The following STK32B variants were observed in gnomAD, a reference collection of about 807,000 sequenced individuals.
STK32B encodes serine/threonine kinase 32B, also known as serine/threonine-protein kinase 32B.
Under a neutral mutation model 52.6 loss-of-function variants are expected in STK32B, and 43 were observed. That is an observed-to-expected ratio of 0.82 (90% CI 0.64 to 1.05). The LOEUF (loss-of-function observed/expected upper bound fraction) is 1.05. Among genes scored for constraint, STK32B ranks in the 50% least tolerant of loss-of-function variants. The pLI, the probability that STK32B is intolerant of heterozygous loss-of-function variation, is 0.00. For synonymous variants in STK32B, 238 were observed against 204.3 expected, an observed-to-expected ratio of 1.17 and a Z score of -1.41; for missense variants, 621 against 534.6, an observed-to-expected ratio of 1.16 and a Z score of -1.59.
chr4:5,361,614 C>T lies in STK32B; in HGVS notation c.434+30221C>T, dbSNP rs187217738. Reference sequence around the variant, plus strand: ...TCCTGGGCTGAAGTGATCCTCCGACCAAGGATCAATGGCATAGGCCATATT... The same window carrying T: ...TCCTGGGCTGAAGTGATCCTCCGACTAAGGATCAATGGCATAGGCCATATT... On this transcript the variant is annotated intron_variant, in intron 4 of 11. Transcript: ENST00000282908. 2.5e-3 allele frequency among the ~76,000 whole-genome samples: 388 copies of T among 152,314 alleles called. 2 individuals carry two copies. Among genetic ancestry groups the T allele is most frequent in the African/African-American group, 8.9e-3 (369 of 41,568 alleles).
At chr4:5,141,123 A>G (rs1284465349) in intron 2 of STK32B, among the ~76,000 whole-genome samples, 1 of 152,194 alleles carries the variant, frequency 6.6e-6, no homozygotes, top group African/African-American at 2.4e-5. Context: ...AATGGTAACA[A>G]TTCAGTTCCA....
At chr4:5,307,498 T>C (rs1226096086) in intron 3 of STK32B, among the ~76,000 whole-genome samples, 1 of 152,128 alleles carries the variant, frequency 6.6e-6, no homozygotes, top group African/African-American at 2.4e-5. Context: ...GTGATTGTTT[T>C]TTATTTATGC....
chr4:5,394,374 A>G lies in STK32B; in HGVS notation c.435-3833A>G, dbSNP rs924838628. ...AACGTTCAAACCCGTTTTCAACAGG[A>G]TGACGCGCTGGAGCTGAGATACGAT... On this transcript the variant is annotated intron_variant, in intron 4 of 11. Coordinates refer to ENST00000282908, the MANE Select transcript of STK32B (RefSeq NM_018401.3). The surrounding 1 kb of genome is among the most constrained non-coding windows in gnomAD (Gnocchi z 4.2). Among the ~76,000 whole-genome samples the G allele has an allele frequency of 6.6e-6, 1 of 152,192 alleles. No individual in the cohort carries two copies. The highest frequency in any genetic ancestry group is 2.4e-5 in the African/African-American group (1 of 41,446).
At chr4:5,070,698 A>G (rs1261893081) in intron 1 of STK32B, among the ~76,000 whole-genome samples, 1 of 109,074 alleles carries the variant, frequency 9.2e-6, no homozygotes, top group Non-Finnish European at 2.3e-5. Flanking sequence ...GGATATGGTA[A>G]GAGTTCCTTG....
Position 5,500,928 on chromosome 4 carries a change from C to T in STK32B, c.*1845C>T, listed in dbSNP as rs1254861573. 3 of 152,136 alleles carry T rather than the reference C, an allele frequency of 2.0e-5. No individual in the cohort carries two copies. The highest frequency in any genetic ancestry group is 4.4e-5 in the Non-Finnish European group (3 of 68,028). The allele number at this position is 152,136 out of a possible 1,614,324, so 9.4% of individuals were successfully genotyped here. On this transcript the variant is annotated 3_prime_UTR_variant, in exon 12 of 12. Transcript: ENST00000282908. The stretch of plus-strand genomic sequence containing the variant: ...CAGGAGCTGGAAGTCGCCCTAGGAA[C>T]ACCAGATTTCCTGGTTCTGTTCAAG...
intron 6 of STK32B, among the ~76,000 whole-genome samples, chr4:5,417,512 T>C (rs1182637634): frequency 6.6e-6 from 1 of 152,186 alleles, no homozygotes; most frequent in South Asian, 2.1e-4. Context: ...CTCATTGTTA[T>C]ATTTCTCTTC....
At position 5,499,227 on chromosome 4, in the gene STK32B, G is replaced by C. The variant is rs1220455968; in HGVS notation, c.*144G>C. 1 of 1,229,460 alleles carries C rather than the reference G, an allele frequency of 8.1e-7. No individual in the cohort carries two copies. The highest frequency in any genetic ancestry group is 2.8e-5 in the East Asian group (1 of 35,874). 76.2% of individuals were successfully genotyped at this position (1,229,460 alleles called of 1,614,324 possible). A position where few individuals can be genotyped will look rare whatever the true frequency, so the allele number is the denominator to read the frequency against. Reference sequence around the variant, plus strand: ...CCCTGGACTTGGAGCTGGGAAGCCTGGGTTCTGGTCCCATCTCCATGACTG... The same window carrying C: ...CCCTGGACTTGGAGCTGGGAAGCCTCGGTTCTGGTCCCATCTCCATGACTG... On this transcript the variant is annotated 3_prime_UTR_variant, in exon 12 of 12. Coordinates refer to ENST00000282908, the MANE Select transcript of STK32B (RefSeq NM_018401.3).
intron 4 of STK32B, among the ~76,000 whole-genome samples, chr4:5,335,567 T>A (rs1732613620): frequency 6.6e-6 from 1 of 152,116 alleles, no homozygotes; most frequent in Admixed American, 6.5e-5. Context: ...TAAATTGTGA[T>A]GTTAGGGTGT....
chr4:5,040,349 G>A, the STK32B span, among the ~76,000 whole-genome samples: 8 of 151,182 alleles, frequency 5.3e-5, no homozygotes, highest in African/African-American at 1.9e-4. Flanking sequence ...GAAGGGAAGT[G>A]ACTTCTCTCA....
chr4:5,253,515 C>T (rs1726084310), intron 3 of STK32B, among the ~76,000 whole-genome samples: 1 of 152,102 alleles, frequency 6.6e-6, no homozygotes, highest in Non-Finnish European at 1.5e-5. Context: ...GCTGGGATTA[C>T]AGGTGCGTGC....
chr4:5,079,996 A>G (rs1473454731), intron 1 of STK32B, among the ~76,000 whole-genome samples: 2 of 152,176 alleles, frequency 1.3e-5, no homozygotes, highest in Non-Finnish European at 1.5e-5. Flanking sequence ...GCTAAAGGGT[A>G]CAGACTTTCC....
intron 2 of STK32B, among the ~76,000 whole-genome samples, chr4:5,145,370 G>A (rs559195955): frequency 1.3e-5 from 2 of 152,234 alleles, no homozygotes; most frequent in African/African-American, 4.8e-5. Context: ...GATGTAAAAT[G>A]TACATACAAC....
chr4:5,438,883 G>A (rs1421604769), intron 6 of STK32B, among the ~76,000 whole-genome samples: 2 of 151,754 alleles, frequency 1.3e-5, no homozygotes, highest in East Asian at 1.9e-4. Flanking sequence ...ATAATTTACT[G>A]AGAATGATGA....
intron 5 of STK32B, among the ~76,000 whole-genome samples, chr4:5,411,604 A>G (rs1269652757): frequency 1.3e-5 from 2 of 152,242 alleles, no homozygotes; most frequent in Non-Finnish European, 2.9e-5. Flanking sequence ...GACATTTTAT[A>G]TAAAAGGCTT....
At chr4:5,486,486 CCTTT>C (rs919114068) in intron 11 of STK32B, among the ~76,000 whole-genome samples, 2 of 152,184 alleles carry the variant, frequency 1.3e-5, no homozygotes, top group African/African-American at 4.8e-5. Flanking sequence ...ATCTGTCACC[CCTTT>C]CTTTGACTAG....
chr4:5,208,762 G>A (rs77403871), intron 3 of STK32B, among the ~76,000 whole-genome samples: 235 of 152,284 alleles, frequency 1.5e-3, no homozygotes, highest in African/African-American at 5.4e-3. Context: ...TCGCCCCATG[G>A]TGGGAAGGGA....
intron 1 of STK32B, among the ~76,000 whole-genome samples, chr4:5,099,634 A>G (rs760216436): frequency 3.8e-4 from 58 of 152,162 alleles, no homozygotes; most frequent in Admixed American, 1.6e-3. Context: ...TGGGCCTCGA[A>G]GGACAGATAG....
At chr4:5,462,196 C>G (rs545361394) in intron 9 of STK32B, among the ~76,000 whole-genome samples, 1 of 151,248 alleles carries the variant, frequency 6.6e-6, no homozygotes, top group East Asian at 2.0e-4. Flanking sequence ...TGTGCATGCC[C>G]GTGGTGTGTG....
At chr4:5,291,787 T>C (rs898607239) in intron 3 of STK32B, among the ~76,000 whole-genome samples, 3 of 152,142 alleles carry the variant, frequency 2.0e-5, no homozygotes, top group Admixed American at 6.6e-5. Flanking sequence ...GGGTTTGTTT[T>C]TGTTTTTTGT....
Sources: gnomAD v4.1 joint callset for allele counts (sites outside exome capture counted in the v4.1 genomes callset) on GRCh38, gnomAD v4.1.1 for gene constraint, Gnocchi (gnomAD v3.1) non-coding constraint, MANE v1.5 for transcripts, NCBI Gene and HGNC (gene_info 2026-07-23, HGNC 2026-07-21) for gene names.